WWOX: variants seen among roughly 807,000 people sequenced by gnomAD.
WWOX encodes the protein WW domain-containing oxidoreductase.
WWOX carries 69 observed loss-of-function variants against 46.2 expected under a neutral mutation model. The observed-to-expected ratio is 1.49, with a 90% CI of 1.23 to 1.82. The LOEUF is 1.82. Among genes scored for constraint, WWOX ranks in the 40% most tolerant of loss-of-function variants. WWOX has a pLI of 0.00. For synonymous variants in WWOX, 359 were observed against 202.6 expected (o/e 1.77, Z -6.56); for missense variants, 919 against 542.6 (o/e 1.69, Z -6.89).
intron 8 of WWOX, among the ~76,000 whole-genome samples, chr16:78,664,479 A>T (rs1201277436): frequency 1.3e-5 from 2 of 152,172 alleles, no homozygotes; most frequent in African/African-American, 4.8e-5. Flanking sequence ...ACCAGCCTGT[A>T]CCCTCAAAGG....
intron 8 of WWOX, among the ~76,000 whole-genome samples, chr16:78,855,495 A>T (rs1321384775): frequency 1.3e-5 from 2 of 152,214 alleles, no homozygotes; most frequent in African/African-American, 2.4e-5. Flanking sequence ...ACTTTGGCGA[A>T]ACTGGCTGAA....
At chr16:78,431,098 A>G (rs1340290681) in intron 7 of WWOX, among the ~76,000 whole-genome samples, 3 of 152,200 alleles carry the variant, frequency 2.0e-5, no homozygotes, top group Non-Finnish European at 4.4e-5. Context: ...GTTTGCTGTG[A>G]TCCATTTTGT....
At chr16:79,141,348 A>G (rs1432719751) in intron 8 of WWOX, among the ~76,000 whole-genome samples, 1 of 152,094 alleles carries the variant, frequency 6.6e-6, no homozygotes, top group South Asian at 2.1e-4. Flanking sequence ...GTACAACCAA[A>G]CTGTGCTCTG....
intron 8 of WWOX, among the ~76,000 whole-genome samples, chr16:78,582,492 G>A (rs1407766388): frequency 6.6e-6 from 1 of 151,962 alleles, no homozygotes; most frequent in Non-Finnish European, 1.5e-5. Context: ...ATTCTCTTTT[G>A]GTGTATGATG....
At chr16:79,009,478 T>C (rs530177058) in intron 8 of WWOX, among the ~76,000 whole-genome samples, 1 of 152,232 alleles carries the variant, frequency 6.6e-6, no homozygotes. Context: ...AATTTTCTTT[T>C]TTTTTTTTAG....
chr16:78,164,449 G>C (rs2034907275), intron 5 of WWOX, among the ~76,000 whole-genome samples, 160 bp downstream of exon 5: 1 of 152,150 alleles, frequency 6.6e-6, no homozygotes, highest in Non-Finnish European at 1.5e-5. Flanking sequence ...ATGAAAGCAT[G>C]AGCAAGTCCA....
At chr16:79,168,956 C>A (rs981400207) in intron 8 of WWOX, among the ~76,000 whole-genome samples, 1 of 152,204 alleles carries the variant, frequency 6.6e-6, no homozygotes, top group South Asian at 2.1e-4. Context: ...ACTTTGAAAA[C>A]TGGCCCACTG....
chr16:78,634,524 G>C (rs2046517338), intron 8 of WWOX, among the ~76,000 whole-genome samples: 1 of 151,878 alleles, frequency 6.6e-6, no homozygotes, highest in Non-Finnish European at 1.5e-5. Flanking sequence ...TGGCCAACAT[G>C]GTGAAACCCC....
intron 6 of WWOX, among the ~76,000 whole-genome samples, chr16:78,395,843 A>C (rs747033066): frequency 2.0e-5 from 3 of 151,926 alleles, no homozygotes; most frequent in Non-Finnish European, 2.9e-5. Context: ...AGGATGCTTC[A>C]CAGTTTTCTT....
intron 8 of WWOX, among the ~76,000 whole-genome samples, chr16:78,516,876 G>T (rs1454591587): frequency 6.6e-6 from 1 of 152,158 alleles, no homozygotes; most frequent in Non-Finnish European, 1.5e-5. Flanking sequence ...GTCTGCAGTT[G>T]AGAACTGTAA....
intron 8 of WWOX, among the ~76,000 whole-genome samples, chr16:79,010,027 G>A (rs917881067): frequency 1.3e-5 from 2 of 152,192 alleles, no homozygotes; most frequent in Admixed American, 1.3e-4. Flanking sequence ...AATGGGTCTT[G>A]AGTATGCCTA....
At chr16:78,616,217 TG>T (rs755429156) in intron 8 of WWOX, among the ~76,000 whole-genome samples, 1 of 143,482 alleles carries the variant, frequency 7.0e-6, no homozygotes, top group Admixed American at 6.7e-5. Flanking sequence ...CACACTTTTG[TG>T]GTTTTTTTTT....
At chr16:78,248,916 G>A (rs1456705808) in intron 5 of WWOX, among the ~76,000 whole-genome samples, 1 of 143,932 alleles carries the variant, frequency 6.9e-6, no homozygotes, top group Non-Finnish European at 1.5e-5. Context: ...CACCAGGCTG[G>A]CACGATCTTG....
intron 6 of WWOX, among the ~76,000 whole-genome samples, chr16:78,421,271 A>C (rs2082922571): frequency 6.6e-6 from 1 of 152,176 alleles, no homozygotes; most frequent in South Asian, 2.1e-4. Flanking sequence ...CTCCTTCTGG[A>C]GGCTGGAAGG....
intron 8 of WWOX, among the ~76,000 whole-genome samples, chr16:78,707,367 G>T (rs1244711427): frequency 6.6e-6 from 1 of 152,124 alleles, no homozygotes; most frequent in East Asian, 1.9e-4. Flanking sequence ...TAAGACATTG[G>T]CCATGCGTCC....
At chr16:78,994,413 A>C (rs1465465442) in intron 8 of WWOX, 2 of 152,208 alleles carry the variant, frequency 1.3e-5, no homozygotes, top group African/African-American at 4.8e-5. Flanking sequence ...TATTTTTATA[A>C]TACTTGCATT....
At position 78,980,134 on chromosome 16, in the gene WWOX, A is replaced by G. The variant is rs7185115; in HGVS notation, c.1057-231474A>G. Among the ~76,000 whole-genome samples the G allele has an allele frequency of 4.5e-3, 690 of 152,276 alleles. 5 individuals are homozygous for G. The highest frequency in any genetic ancestry group is 0.016 in the African/African-American group (670 of 41,552). ...CAGAGCGAGACTCCATCTCAAATCA[A>G]TCAACCAGTCAATGTGTGCCCCCTT... On this transcript the variant is annotated intron_variant, in intron 8 of 8. Coordinates refer to ENST00000566780, the MANE Select transcript of WWOX (RefSeq NM_016373.4).
At chr16:78,543,328 C>G (rs959932788) in intron 8 of WWOX, among the ~76,000 whole-genome samples, 5 of 152,204 alleles carry the variant, frequency 3.3e-5, no homozygotes, top group African/African-American at 1.2e-4. Context: ...GGGAATGTCT[C>G]ATCCCCCTGT....
intron 8 of WWOX, among the ~76,000 whole-genome samples, chr16:78,927,542 G>C (rs1246774486): frequency 1.3e-5 from 2 of 152,160 alleles, no homozygotes; most frequent in Non-Finnish European, 2.9e-5. Flanking sequence ...TTGATAAATG[G>C]ATGTTAGTCA....
Sources: allele counts gnomAD v4.1 joint callset (sites outside exome capture counted in the v4.1 genomes callset), GRCh38; gene constraint gnomAD v4.1.1; transcripts MANE v1.5; gene names NCBI Gene and HGNC (gene_info 2026-07-23, HGNC 2026-07-21).